RGS6: variants seen among roughly 807,000 people sequenced by gnomAD.
RGS6 encodes regulator of G protein signaling 6.
In RGS6, 30 loss-of-function variants were observed where a neutral mutation model predicts 78.5. The observed-to-expected ratio is 0.38, with a 90% confidence interval of 0.29 to 0.52. RGS6 has a LOEUF of 0.52. RGS6 is among the 20% of genes least tolerant of loss of function. RGS6 has a pLI of 0.85. For missense variants in RGS6, 495 were observed against 609.7 expected, an observed-to-expected ratio of 0.81 and a Z score of 1.98; for synonymous variants, 206 against 206.0, an observed-to-expected ratio of 1.00 and a Z score of 0.00.
intron 2 of RGS6, among the ~76,000 whole-genome samples, chr14:72,219,680 G>T (rs376202155): frequency 8.1e-4 from 123 of 151,588 alleles, no homozygotes; most frequent in African/African-American, 2.9e-3. Flanking sequence ...TTTTTGTTTT[G>T]GGTATCTTTG....
At chr14:72,573,290 G>C in the RGS6 span, among the ~76,000 whole-genome samples, 6 of 152,260 alleles carry the variant, frequency 3.9e-5, no homozygotes, top group South Asian at 1.0e-3. Context: ...TAAGCCCCAG[G>C]GACACTTGAG....
chr14:72,026,433 G>A (rs1215665888), intron 2 of RGS6, among the ~76,000 whole-genome samples: 1 of 152,066 alleles, frequency 6.6e-6, no homozygotes, highest in Non-Finnish European at 1.5e-5. Context: ...GTAGCCATCA[G>A]AACCCATTTA....
At chr14:72,094,922 C>A (rs1262603552) in intron 2 of RGS6, among the ~76,000 whole-genome samples, 1 of 152,116 alleles carries the variant, frequency 6.6e-6, no homozygotes, top group African/African-American at 2.4e-5. Flanking sequence ...GGGAGAAACA[C>A]CTCCCACAAA....
chr14:71,907,144 G>A, the RGS6 span, among the ~76,000 whole-genome samples: 3 of 152,308 alleles, frequency 2.0e-5, no homozygotes, highest in Admixed American at 2.0e-4. Context: ...AAGCAGATGT[G>A]GTTCCTGCCC....
intron 2 of RGS6, among the ~76,000 whole-genome samples, chr14:71,973,130 A>G (rs1246399833): frequency 6.6e-6 from 1 of 152,198 alleles, no homozygotes; most frequent in African/African-American, 2.4e-5. Flanking sequence ...TTGTGAAGTA[A>G]GGGGTTAGCT....
chr14:72,052,986 TC>T (rs372812703), intron 2 of RGS6, among the ~76,000 whole-genome samples: 13,112 of 60,536 alleles, frequency 0.22, 1,096 homozygotes, highest in African/African-American at 0.24. Flanking sequence ...TCTTTCTTTC[TC>T]TCTCTCTCTC....
Position 72,474,847 on chromosome 14 carries a change from G to A in RGS6, c.693+148G>A, listed in dbSNP as rs187634450. 2.1e-4 allele frequency: 151 copies of A among 719,480 alleles called. 1 individual carries two copies. In the African/African-American group the frequency reaches 2.4e-3, roughly 12 times the overall value. 44.6% of individuals were successfully genotyped at this position (719,480 alleles called of 1,614,324 possible). On this transcript the variant is annotated intron_variant, in intron 10 of 17. Coordinates refer to ENST00000553525, the MANE Select transcript of RGS6 (RefSeq NM_001204424.2). ...TTTCACAAATATTGATTGAGCAGCTGATGCATGCTTGGCGCTGTGCTCGTG... is the reference window on the plus strand; with the variant it reads ...TTTCACAAATATTGATTGAGCAGCTAATGCATGCTTGGCGCTGTGCTCGTG...
At chr14:72,095,671 C>T (rs574755842) in intron 2 of RGS6, among the ~76,000 whole-genome samples, 48 of 152,296 alleles carry the variant, frequency 3.2e-4, no homozygotes, top group African/African-American at 9.9e-4. Context: ...AGAGAGGGAA[C>T]GTATGTGGAT....
intron 2 of RGS6, among the ~76,000 whole-genome samples, chr14:72,267,698 G>A (rs1054344829): frequency 6.6e-6 from 1 of 152,174 alleles, no homozygotes; most frequent in Admixed American, 6.5e-5. Context: ...GGAGCAAATG[G>A]CTTCCTAAAA....
chr14:72,171,026 G>A (rs1372939080), intron 2 of RGS6, among the ~76,000 whole-genome samples: 1 of 152,082 alleles, frequency 6.6e-6, no homozygotes, highest in Non-Finnish European at 1.5e-5. Flanking sequence ...AGAAATCTAG[G>A]TAATTTTTGC....
intron 2 of RGS6, among the ~76,000 whole-genome samples, chr14:72,116,272 C>T (rs567586275): frequency 6.6e-6 from 1 of 152,218 alleles, no homozygotes; most frequent in South Asian, 2.1e-4. Flanking sequence ...AGCAAGTTAA[C>T]CCATGCTGAT....
rs144534631 is a variant in RGS6, at chr14:72,033,065, A to G, written c.84+68190A>G. On this transcript the variant is annotated intron_variant, in intron 2 of 17. Transcript: ENST00000553525. ...CAATACAACTAACCAATTAAGCACA[A>G]TAGCTTAGCCTAGCCTACCTTAAAC... Among the ~76,000 whole-genome samples the G allele has an allele frequency of 9.1e-3, 1,393 of 152,344 alleles. 11 individuals carry two copies. Among genetic ancestry groups the G allele is most frequent in the Middle Eastern group, 0.058 (17 of 294 alleles).
intron 2 of RGS6, among the ~76,000 whole-genome samples, chr14:72,206,018 A>G (rs1341526984): frequency 6.6e-6 from 1 of 152,152 alleles, no homozygotes; most frequent in Non-Finnish European, 1.5e-5. Context: ...CTAGAAGTTA[A>G]TCTTAAATCA....
intron 2 of RGS6, among the ~76,000 whole-genome samples, chr14:72,224,474 A>C (rs2047635470): frequency 6.6e-6 from 1 of 151,308 alleles, no homozygotes; most frequent in Admixed American, 6.6e-5. Context: ...TTTTTTATAT[A>C]CTTTAGAGGC....
At chr14:71,993,695 TTCAAC>T (rs2095067770) in intron 2 of RGS6, among the ~76,000 whole-genome samples, 1 of 152,156 alleles carries the variant, frequency 6.6e-6, no homozygotes, top group Admixed American at 6.5e-5. Context: ...ATATACTGAA[TTCAAC>T]AGTGGTAGCA....
rs1249056628 is a variant in RGS6, at chr14:72,525,808, C to T, written c.1278+7271C>T. On this transcript the variant is annotated intron_variant, in intron 15 of 17. Transcript: ENST00000553525. ...TTTCCTGGTAGACTCTCATGCCAGACATATTTTAATAAGGAATTCTGTGAC... is the reference window on the plus strand; with the variant it reads ...TTTCCTGGTAGACTCTCATGCCAGATATATTTTAATAAGGAATTCTGTGAC... Among the ~76,000 whole-genome samples, 3 of 152,198 alleles carry T rather than the reference C, an allele frequency of 2.0e-5. No individual in the cohort carries two copies. In the East Asian group the frequency reaches 5.8e-4, roughly 29 times the overall value.
At chr14:71,940,225 G>T (rs998301135) in intron 1 of RGS6, among the ~76,000 whole-genome samples, 1 of 152,150 alleles carries the variant, frequency 6.6e-6, no homozygotes, top group Admixed American at 6.5e-5. Flanking sequence ...TTCCTTTCCC[G>T]AGTGCAGTTA....
chr14:72,618,846 G>A, the RGS6 span, among the ~76,000 whole-genome samples: 10 of 152,306 alleles, frequency 6.6e-5, no homozygotes, highest in South Asian at 1.5e-3. Context: ...TTGTTCCTCA[G>A]GTGAGAATTT....
intron 3 of RGS6, among the ~76,000 whole-genome samples, chr14:72,446,966 G>T (rs970086552): frequency 6.6e-6 from 1 of 152,122 alleles, no homozygotes; most frequent in African/African-American, 2.4e-5. Context: ...CTCACCTCCT[G>T]TTGTGAGGCC....
Sources: allele counts gnomAD v4.1 joint callset (sites outside exome capture counted in the v4.1 genomes callset), GRCh38; gene constraint gnomAD v4.1.1; transcripts MANE v1.5; gene names NCBI Gene and HGNC (gene_info 2026-07-23, HGNC 2026-07-21).